The following CHSY3 variants were observed in gnomAD, a reference collection of about 807,000 sequenced individuals.
The protein encoded by CHSY3 is N-acetylgalactosaminyl-proteoglycan 3-beta-glucuronosyltransferase 3.
In CHSY3, 35 loss-of-function variants were observed where a neutral mutation model predicts 67.2. The observed-to-expected ratio is 0.52, with a 90% CI of 0.40 to 0.69. The LOEUF is 0.69. Among genes scored for constraint, CHSY3 ranks in the 30% least tolerant of loss-of-function variants. The pLI, the probability that CHSY3 is intolerant of heterozygous loss-of-function variation, is 0.00. For missense variants in CHSY3, 1,069 were observed against 1,138.5 expected, an observed-to-expected ratio of 0.94 and a Z score of 0.88; for synonymous variants, 474 against 434.7, an observed-to-expected ratio of 1.09 and a Z score of -1.12.
chr5:130,089,330 A>G (rs1221083799), intron 2 of CHSY3, among the ~76,000 whole-genome samples: 1 of 151,812 alleles, frequency 6.6e-6, no homozygotes, highest in Non-Finnish European at 1.5e-5. Context: ...TATGTAACTA[A>G]CCTGCACATT....
intron 2 of CHSY3, among the ~76,000 whole-genome samples, chr5:130,178,226 T>TA (rs1491311236): frequency 0.015 from 1,008 of 66,506 alleles, 30 homozygotes; most frequent in Non-Finnish European, 0.023. Flanking sequence ...TATATTTATA[T>TA]TTATATATAT....
At chr5:130,058,520 G>A (rs1382181455) in intron 2 of CHSY3, among the ~76,000 whole-genome samples, 2 of 152,130 alleles carry the variant, frequency 1.3e-5, no homozygotes. Flanking sequence ...CCAGCTACTT[G>A]GGGGGCTGAA....
intron 2 of CHSY3, among the ~76,000 whole-genome samples, chr5:130,165,090 T>C (rs997395993): frequency 6.6e-6 from 1 of 152,128 alleles, no homozygotes; most frequent in African/African-American, 2.4e-5. Flanking sequence ...TCTACAGTCA[T>C]CTATTCCATG....
chr5:129,930,840 C>A (rs888758954), intron 2 of CHSY3, among the ~76,000 whole-genome samples: 1 of 152,154 alleles, frequency 6.6e-6, no homozygotes, highest in African/African-American at 2.4e-5. Flanking sequence ...GATTGAGCAT[C>A]TCTTCTACCC....
At chr5:130,028,530 A>G (rs1764617871) in intron 2 of CHSY3, among the ~76,000 whole-genome samples, 1 of 152,214 alleles carries the variant, frequency 6.6e-6, no homozygotes, top group South Asian at 2.1e-4. Context: ...ATGAACTATT[A>G]TTACAATTAC....
intron 2 of CHSY3, among the ~76,000 whole-genome samples, chr5:129,929,808 G>C (rs1761238137): frequency 6.6e-6 from 1 of 151,824 alleles, no homozygotes; most frequent in Non-Finnish European, 1.5e-5. Context: ...GGATAAATGG[G>C]GTTATTACCA....
At position 130,155,274 on chromosome 5, in the gene CHSY3, GA is replaced by G. The variant is rs368268246; in HGVS notation, c.1087-28949del. On this transcript the variant is annotated intron_variant, in intron 2 of 2. Transcript: ENST00000305031. Reference sequence around the variant, plus strand: ...CATATTTAGGAAGCCCCCATTTGGGGAAAAAATGTGCACATAAAAGAAGGCC... The same window carrying G: ...CATATTTAGGAAGCCCCCATTTGGGGAAAAATGTGCACATAAAAGAAGGCC... Among the ~76,000 whole-genome samples, 323 of 152,244 alleles carry G rather than the reference GA, an allele frequency of 2.1e-3. 6 individuals carry two copies. In the South Asian group the frequency reaches 0.035, roughly 17 times the overall value.
intron 2 of CHSY3, among the ~76,000 whole-genome samples, chr5:130,098,146 A>G (rs1049903682): frequency 2.6e-5 from 4 of 152,194 alleles, no homozygotes; most frequent in Admixed American, 1.3e-4. Flanking sequence ...CAGTCAGGAT[A>G]CAAAACATTT....
intron 2 of CHSY3, among the ~76,000 whole-genome samples, chr5:130,046,771 GT>G (rs746638582): frequency 1.3e-5 from 2 of 151,878 alleles, no homozygotes; most frequent in Non-Finnish European, 2.9e-5. Context: ...CAGCATTTCA[GT>G]TTTTTTAAAT....
chr5:130,129,456 C>T (rs72795769), intron 2 of CHSY3, among the ~76,000 whole-genome samples: 1,752 of 152,194 alleles, frequency 0.012, 26 homozygotes, highest in Admixed American at 0.037. Flanking sequence ...CTTCATATGG[C>T]ACAAATTAAT....
At chr5:130,034,022 C>A (rs1364482267) in intron 2 of CHSY3, among the ~76,000 whole-genome samples, 2 of 152,076 alleles carry the variant, frequency 1.3e-5, no homozygotes, top group Non-Finnish European at 2.9e-5. Context: ...AAGGGAGGAT[C>A]TGCGAATAAC....
At chr5:129,938,078 C>G (rs1233564862) in intron 2 of CHSY3, among the ~76,000 whole-genome samples, 1 of 152,232 alleles carries the variant, frequency 6.6e-6, no homozygotes, top group Non-Finnish European at 1.5e-5. Flanking sequence ...AGCCTCAACT[C>G]TTGCCCTCTG....
At chr5:130,156,120 C>T (rs1263011363) in intron 2 of CHSY3, among the ~76,000 whole-genome samples, 2 of 151,996 alleles carry the variant, frequency 1.3e-5, no homozygotes, top group African/African-American at 4.8e-5. Flanking sequence ...AATTTTTTTC[C>T]CCTGAGCAAT....
chr5:129,910,272 G>A (rs933278209), intron 2 of CHSY3, among the ~76,000 whole-genome samples: 10 of 151,888 alleles, frequency 6.6e-5, no homozygotes, highest in African/African-American at 9.7e-5. Flanking sequence ...ATAACTTTTC[G>A]TAATACATTT....
chr5:129,905,225 G>A lies in CHSY3; in HGVS notation c.396G>A (p.Gly132=), dbSNP rs1760215136. The change falls in exon 1 of 3, where the codon GGG becomes GGA. Residue 132 remains glycine (G), a synonymous_variant. Transcript: ENST00000305031. ...TGLPGAPAAE[G]EPEEEDGGAA... ...TTCCCGGTGCTCCAGCGGCCGAGGG[G>A]GAGCCCGAGGAGGAGGACGGGGGCG... The A allele has an allele frequency of 2.0e-6, 3 of 1,497,242 alleles. No individual in the cohort carries two copies. The highest frequency in any genetic ancestry group is 2.7e-6 in the Non-Finnish European group (3 of 1,129,908). The allele number at this position is 1,497,242 out of a possible 1,614,324, so 92.7% of individuals were successfully genotyped here. A position where few individuals can be genotyped will look rare whatever the true frequency, so the allele number is the denominator to read the frequency against.
intron 2 of CHSY3, among the ~76,000 whole-genome samples, chr5:130,019,809 A>T: frequency 6.6e-6 from 1 of 152,236 alleles, no homozygotes; most frequent in East Asian, 1.9e-4. Flanking sequence ...TAACGCTATG[A>T]GAGGCCCTTT....
intron 2 of CHSY3, among the ~76,000 whole-genome samples, chr5:130,164,252 A>G (rs1333180642): frequency 2.0e-5 from 3 of 152,180 alleles, no homozygotes; most frequent in Non-Finnish European, 4.4e-5. Context: ...TAATAATTCA[A>G]ACTTGAGCCA....
At chr5:129,999,026 A>G (rs190121364) in intron 2 of CHSY3, among the ~76,000 whole-genome samples, 2 of 151,972 alleles carry the variant, frequency 1.3e-5, no homozygotes, top group East Asian at 3.9e-4. Flanking sequence ...GTACCATTTT[A>G]TTCTAAAATA....
intron 2 of CHSY3, among the ~76,000 whole-genome samples, chr5:130,025,097 A>G (rs1273445478): frequency 2.0e-5 from 3 of 149,184 alleles, no homozygotes; most frequent in African/African-American, 7.5e-5. Flanking sequence ...CCACTATGTA[A>G]AACTTATTTT....
Sources: allele counts gnomAD v4.1 joint callset (sites outside exome capture counted in the v4.1 genomes callset), GRCh38; gene constraint gnomAD v4.1.1; transcripts MANE v1.5; gene names NCBI Gene and HGNC (gene_info 2026-07-23, HGNC 2026-07-21).